CNTLN: variants seen among roughly 807,000 people sequenced by gnomAD.
CNTLN encodes centlein, centrosomal protein.
A neutral mutation model predicts 180.0 loss-of-function variants in CNTLN; 212 were observed. That is an observed-to-expected ratio of 1.18 (90% CI 1.05 to 1.32). The LOEUF is 1.32. CNTLN is among the 40% of genes most tolerant of loss of function. CNTLN has a pLI of 0.00. For synonymous variants in CNTLN, 722 were observed against 563.1 expected (o/e 1.28, Z -3.99); for missense variants, 2,095 against 1,610.9 (o/e 1.30, Z -5.14).
At chr9:17,431,949 T>G (rs1181007837) in intron 18 of CNTLN, among the ~76,000 whole-genome samples, 1 of 152,226 alleles carries the variant, frequency 6.6e-6, no homozygotes, top group Admixed American at 6.5e-5. Context: ...TTAGGGATAC[T>G]GATAACTCTT....
chr9:17,196,954 T>C (rs746558226), intron 2 of CNTLN, among the ~76,000 whole-genome samples: 1 of 152,176 alleles, frequency 6.6e-6, no homozygotes, highest in Non-Finnish European at 1.5e-5. Context: ...TTATTCAGTC[T>C]ATCAAAGTGT....
At chr9:17,306,918 T>C (rs375535637) in intron 7 of CNTLN, among the ~76,000 whole-genome samples, 1 of 152,156 alleles carries the variant, frequency 6.6e-6, no homozygotes, top group Non-Finnish European at 1.5e-5. Flanking sequence ...GCTTCAACTT[T>C]CCCTAGCCAG....
chr9:17,153,606 C>G (rs566430905), intron 2 of CNTLN, among the ~76,000 whole-genome samples: 1 of 152,118 alleles, frequency 6.6e-6, no homozygotes, highest in African/African-American at 2.4e-5. Context: ...TCATTTCAAC[C>G]TTGGTGAATC....
intron 13 of CNTLN, among the ~76,000 whole-genome samples, chr9:17,372,457 T>C (rs1196878277): frequency 1.3e-5 from 2 of 152,022 alleles, no homozygotes; most frequent in African/African-American, 4.8e-5. Flanking sequence ...GGAACTATAA[T>C]AAGTAAAGAC....
At chr9:17,410,315 C>G (rs1827741481) in intron 16 of CNTLN, among the ~76,000 whole-genome samples, 1 of 152,120 alleles carries the variant, frequency 6.6e-6, no homozygotes, top group African/African-American at 2.4e-5. Flanking sequence ...TGAGTACTTT[C>G]TCATGGTTAT....
intron 5 of CNTLN, among the ~76,000 whole-genome samples, chr9:17,246,545 G>A (rs1343669087): frequency 6.6e-6 from 1 of 152,184 alleles, no homozygotes; most frequent in Non-Finnish European, 1.5e-5. Context: ...ATACCACTGT[G>A]TGGTTTTTGC....
At position 17,348,382 on chromosome 9, in the gene CNTLN, G is replaced by A. The variant is rs571726740; in HGVS notation, c.1886+5938G>A. 8.5e-5 allele frequency among the ~76,000 whole-genome samples: 13 copies of A among 152,210 alleles called. No homozygotes were observed. In the South Asian group the frequency reaches 1.7e-3, roughly 19 times the overall value. ...TATCATGCCTGAGGGAGAAGGTCACGTCAATACTACTAGGAAAAGATGGGA... is the reference window on the plus strand; with the variant it reads ...TATCATGCCTGAGGGAGAAGGTCACATCAATACTACTAGGAAAAGATGGGA... On this transcript the variant is annotated intron_variant, in intron 12 of 25. Coordinates refer to ENST00000380647, the MANE Select transcript of CNTLN (RefSeq NM_017738.4).
rs1587564288 is a variant in CNTLN at position 17,298,595 on chromosome 9, T to C, written c.1146+243T>C. ...TACAAACTTACTCTATAGGGTATTA[T>C]TTTTATAAATTGGCATTCAGACAGC... is the stretch of plus-strand genomic sequence containing the variant. On this transcript the variant is annotated intron_variant, in intron 7 of 25. Coordinates refer to ENST00000380647, the MANE Select transcript of CNTLN (RefSeq NM_017738.4). The C allele has an allele frequency of 3.7e-6, 4 of 1,087,066 alleles. No homozygotes were observed. The East Asian group carries it at 2.0e-4, about 54-fold the overall frequency. The allele number at this position is 1,087,066 out of a possible 1,614,324, so 67.3% of individuals were successfully genotyped here.
intron 8 of CNTLN, among the ~76,000 whole-genome samples, chr9:17,316,677 T>C (rs1819559199): frequency 6.6e-6 from 1 of 152,090 alleles, no homozygotes; most frequent in Non-Finnish European, 1.5e-5. Context: ...AAATCTGCAA[T>C]TTTGCTATTT....
chr9:17,359,138 C>T (rs902592177), intron 12 of CNTLN, among the ~76,000 whole-genome samples: 1 of 152,016 alleles, frequency 6.6e-6, no homozygotes, highest in African/African-American at 2.4e-5. Context: ...CCCACCTCAG[C>T]CCCCCAAGTA....
At chr9:17,318,797 G>A (rs981001162) in intron 8 of CNTLN, among the ~76,000 whole-genome samples, 1 of 152,016 alleles carries the variant, frequency 6.6e-6, no homozygotes, top group African/African-American at 2.4e-5. Flanking sequence ...TCTCTTTTTA[G>A]TATTCAGTCC....
chr9:17,135,189 G>T lies in CNTLN; in HGVS notation c.124G>T (p.Ala42Ser), dbSNP rs1198525616. The change falls in exon 1 of 26, where the codon GCC becomes TCC. Residue 42 changes from alanine (A) to serine (S), a missense_variant. By Grantham distance (99) the Ala-to-Ser change is moderately conservative. Transcript: ENST00000380647. The stretch of plus-strand genomic sequence containing the variant: ...AATGCGCAGCGAGGCCTCGGGTTTT[G>T]CCGGCGCAGCGCGGGAGGTGGTCGC... ...HAMRSEASGF[A>S]GAAREVVADE... The T allele has an allele frequency of 6.2e-7, 1 of 1,610,754 alleles. No individual in the cohort carries two copies. Among genetic ancestry groups the T allele is most frequent in the Admixed American group, 1.7e-5 (1 of 59,664 alleles).
chr9:17,182,348 G>T (rs1821176195), intron 2 of CNTLN, among the ~76,000 whole-genome samples: 1 of 152,050 alleles, frequency 6.6e-6, no homozygotes, highest in South Asian at 2.1e-4. Flanking sequence ...TATCTGCTGT[G>T]CATGAGGCAA....
At chr9:17,402,356 C>T (rs1030550166) in intron 15 of CNTLN, among the ~76,000 whole-genome samples, 1 of 151,670 alleles carries the variant, frequency 6.6e-6, no homozygotes, top group African/African-American at 2.4e-5. Flanking sequence ...TGCACTGTAT[C>T]AAGAGAGAGA....
chr9:17,192,829 C>G (rs759951166), intron 2 of CNTLN, among the ~76,000 whole-genome samples: 1 of 152,042 alleles, frequency 6.6e-6, no homozygotes, highest in Non-Finnish European at 1.5e-5. Flanking sequence ...TAAATTGATT[C>G]AAGGAAAAGA....
intron 2 of CNTLN, 129 bp from the exon 3 acceptor site, chr9:17,226,074 C>T (rs1824445848): frequency 4.3e-6 from 2 of 465,226 alleles, no homozygotes; most frequent in Admixed American, 8.5e-5. Flanking sequence ...GTTGCTGTCA[C>T]TTGCCATGTG....
chr9:17,166,736 C>T, intron 2 of CNTLN: 1 of 260,768 alleles, frequency 3.8e-6, no homozygotes, highest in South Asian at 4.1e-5. Context: ...CTATAACCAG[C>T]CAGATATTAA....
chr9:17,288,099 T>C (rs1829110614), intron 6 of CNTLN, among the ~76,000 whole-genome samples: 1 of 132,644 alleles, frequency 7.5e-6, no homozygotes, highest in Non-Finnish European at 1.5e-5. Context: ...ATTGTGATGT[T>C]AGGGTGTCAA....
chr9:17,342,865 A>T (rs1025266681), intron 12 of CNTLN, among the ~76,000 whole-genome samples: 1 of 152,192 alleles, frequency 6.6e-6, no homozygotes, highest in Admixed American at 6.5e-5. Context: ...CTGTCCTGCT[A>T]ATCCCAGCTG....
Sources: allele counts gnomAD v4.1 joint callset (sites outside exome capture counted in the v4.1 genomes callset), GRCh38; gene constraint gnomAD v4.1.1; transcripts MANE v1.5; gene names NCBI Gene and HGNC (gene_info 2026-07-23, HGNC 2026-07-21).